MYH10: variants seen among roughly 807,000 people sequenced by gnomAD.
The protein encoded by MYH10 is myosin-10.
In MYH10, 55 loss-of-function variants were observed where a neutral mutation model predicts 257.8. The ratio of observed to expected loss-of-function variants is 0.21; its 90% CI spans 0.17 to 0.27. MYH10 has a LOEUF of 0.27. MYH10 is among the 10% of genes least tolerant of loss of function. The probability of loss-of-function intolerance (pLI) is 1.00; values close to 1 mark genes in which losing one functional copy is unlikely to be tolerated. For synonymous variants in MYH10, 854 were observed against 921.7 expected, an observed-to-expected ratio of 0.93 and a Z score of 1.33; for missense variants, 1,631 against 2,500.6, an observed-to-expected ratio of 0.65 and a Z score of 7.42.
chr17:8,627,185 G>A (rs2085716597), intron 1 of MYH10, among the ~76,000 whole-genome samples: 1 of 151,962 alleles, frequency 6.6e-6, no homozygotes, highest in Admixed American at 6.5e-5. Context: ...TTACTGGGTA[G>A]TAGGATTACC....
chr17:8,539,225 T>C (rs1368685902), intron 14 of MYH10, among the ~76,000 whole-genome samples: 1 of 152,206 alleles, frequency 6.6e-6, no homozygotes, highest in Non-Finnish European at 1.5e-5. Context: ...CTTATTCTGT[T>C]ATAGTAACGG....
chr17:8,531,109 C>A (rs527584187), intron 16 of MYH10, among the ~76,000 whole-genome samples: 1 of 152,026 alleles, frequency 6.6e-6, no homozygotes, highest in South Asian at 2.1e-4. Context: ...TCAAAAATTA[C>A]GCTGCTGTGT....
In MYH10 at chr17:8,507,603, T is replaced by C. The variant is rs146349757; in HGVS notation, c.3214+951A>G. Among the ~76,000 whole-genome samples, 538 of 152,362 alleles carry C rather than the reference T, an allele frequency of 3.5e-3. 3 individuals are homozygous for C. Among genetic ancestry groups the C allele is most frequent in the African/African-American group, 0.012 (514 of 41,586 alleles). ...CAGCTTTAGATTAAACACAATGGTC[T>C]GTAGGACCCAAACAATATAACCCCA... On this transcript the variant is annotated intron_variant, in intron 26 of 42. Coordinates refer to ENST00000360416, the MANE Select transcript of MYH10 (RefSeq NM_001256012.3).
chr17:8,543,627 C>T (rs1298668493), intron 13 of MYH10, among the ~76,000 whole-genome samples: 1 of 152,080 alleles, frequency 6.6e-6, no homozygotes, highest in Non-Finnish European at 1.5e-5. Flanking sequence ...GCATCTGCCA[C>T]CAAGCCCAGC....
chr17:8,484,918 C>T (rs1161167765), intron 36 of MYH10, among the ~76,000 whole-genome samples: 2 of 152,164 alleles, frequency 1.3e-5, no homozygotes, highest in African/African-American at 2.4e-5. Flanking sequence ...TCTGATCTTG[C>T]CACTTCTACT....
chr17:8,523,870 G>A (rs867823072), intron 17 of MYH10, among the ~76,000 whole-genome samples: 8 of 152,306 alleles, frequency 5.3e-5, no homozygotes, highest in Middle Eastern at 3.4e-3. Flanking sequence ...GTTCTGGCTT[G>A]AGCAACCGAG....
At chr17:8,575,020 C>G (rs533011713) in intron 6 of MYH10, among the ~76,000 whole-genome samples, 2 of 152,194 alleles carry the variant, frequency 1.3e-5, no homozygotes, top group African/African-American at 4.8e-5. Flanking sequence ...TGCTTAACTA[C>G]GATTAAAATC....
At chr17:8,512,297 A>C (rs187888190) in intron 24 of MYH10, among the ~76,000 whole-genome samples, 154 bp downstream of exon 24, 1 of 152,364 alleles carries the variant, frequency 6.6e-6, no homozygotes, top group Admixed American at 6.5e-5. Context: ...GGTGTGTTTC[A>C]AATGATGGTC....
intron 7 of MYH10, chr17:8,560,881 T>C: frequency 1.9e-6 from 1 of 534,782 alleles, no homozygotes; most frequent in South Asian, 1.6e-5. Flanking sequence ...AGGGAGTGAA[T>C]ATCATGGAAG....
intron 2 of MYH10, among the ~76,000 whole-genome samples, chr17:8,621,563 C>T (rs188201198): frequency 2.6e-5 from 4 of 152,200 alleles, no homozygotes; most frequent in Non-Finnish European, 2.9e-5. Context: ...GGACTCTCAA[C>T]GCCACTCTCC....
At chr17:8,584,328 T>C (rs565117398) in intron 4 of MYH10, among the ~76,000 whole-genome samples, 1 of 152,232 alleles carries the variant, frequency 6.6e-6, no homozygotes, top group African/African-American at 2.4e-5. Context: ...AAAAGTGAAA[T>C]GCTGACCTAA....
At position 8,504,233 on chromosome 17, in the gene MYH10, C is replaced by T. The variant is rs778625007; in HGVS notation, c.3599+461G>A. Among the ~76,000 whole-genome samples the T allele has an allele frequency of 6.6e-6, 1 of 152,184 alleles. No individual in the cohort carries two copies. The highest frequency in any genetic ancestry group is 1.5e-5 in the Non-Finnish European group (1 of 68,024). ...AGTGCGTGCACCAGCCTTCTTCTCA[C>T]CCTTGTGAAGGCACCCTTCCCTTTT... On this transcript the variant is annotated intron_variant, in intron 28 of 42. Transcript: ENST00000360416. This position sits in a 1 kb window ranked among gnomAD's most constrained non-coding sequence, Gnocchi z 5.6.
chr17:8,618,807 G>A (rs1288341389), intron 2 of MYH10, among the ~76,000 whole-genome samples: 1 of 152,106 alleles, frequency 6.6e-6, no homozygotes, highest in Non-Finnish European at 1.5e-5. Context: ...ATATCAGAAA[G>A]GTTTTTAAGT....
At chr17:8,578,243 C>T (rs1184831619) in intron 4 of MYH10, among the ~76,000 whole-genome samples, 9 of 129,202 alleles carry the variant, frequency 7.0e-5, no homozygotes, top group African/African-American at 8.8e-5. Context: ...TTCTTTCTTT[C>T]TTTTTTTTTT....
intron 25 of MYH10, among the ~76,000 whole-genome samples, chr17:8,509,205 T>C (rs1311082904): frequency 6.6e-6 from 1 of 152,228 alleles, no homozygotes; most frequent in Non-Finnish European, 1.5e-5. Flanking sequence ...CAAGTACTTA[T>C]TAGCACTGTG....
At chr17:8,611,004 T>G (rs999147034) in intron 2 of MYH10, among the ~76,000 whole-genome samples, 2 of 152,228 alleles carry the variant, frequency 1.3e-5, no homozygotes, top group African/African-American at 4.8e-5. Flanking sequence ...ATTTCTTTCT[T>G]AGATAGATAA....
chr17:8,623,371 G>A (rs756354299), intron 1 of MYH10, 94 bp from the exon 2 acceptor site: 65 of 1,254,590 alleles, frequency 5.2e-5, no homozygotes, highest in Non-Finnish European at 9.5e-6. Flanking sequence ...CTTAGATTAA[G>A]CATTAACTCT....
intron 24 of MYH10, 95 bp downstream of exon 24, chr17:8,512,356 G>T: frequency 9.9e-7 from 1 of 1,014,658 alleles, no homozygotes; most frequent in Non-Finnish European, 1.4e-6. Flanking sequence ...TTGCTTCTCT[G>T]TGGACTTAAG....
intron 38 of MYH10, among the ~76,000 whole-genome samples, chr17:8,480,913 T>G (rs1913641817): frequency 1.9e-4 from 1 of 5,240 alleles, no homozygotes; most frequent in African/African-American, 3.3e-4. Context: ...TTCTAACTAC[T>G]CATGATGGCA....
Sources: gnomAD v4.1 joint callset for allele counts (sites outside exome capture counted in the v4.1 genomes callset) on GRCh38, gnomAD v4.1.1 for gene constraint, Gnocchi (gnomAD v3.1) non-coding constraint, MANE v1.5 for transcripts, NCBI Gene and HGNC (gene_info 2026-07-23, HGNC 2026-07-21) for gene names.